The following ERG variants were observed in gnomAD, a reference collection of about 807,000 sequenced individuals.
The protein encoded by ERG is ETS transcription factor ERG.
In ERG, 9 loss-of-function variants were observed where a neutral mutation model predicts 55.3. That is an observed-to-expected ratio of 0.16 (90% CI 0.10 to 0.28). The LOEUF (loss-of-function observed/expected upper bound fraction) is 0.28. Among genes scored for constraint, ERG ranks in the 10% least tolerant of loss-of-function variants. The probability of loss-of-function intolerance (pLI) is 1.00; values close to 1 mark genes in which losing one functional copy is unlikely to be tolerated. For missense variants in ERG, 434 were observed against 631.6 expected, an observed-to-expected ratio of 0.69 and a Z score of 3.35; for synonymous variants, 223 against 237.3, an observed-to-expected ratio of 0.94 and a Z score of 0.55.
intron 2 of ERG, among the ~76,000 whole-genome samples, chr21:38,519,846 C>T (rs890408650): frequency 7.2e-5 from 11 of 152,102 alleles, no homozygotes; most frequent in African/African-American, 2.7e-4. Flanking sequence ...AGGACTGAGA[C>T]CCTAACCACA....
chr21:38,618,709 T>C (rs913347551), intron 1 of ERG, among the ~76,000 whole-genome samples: 1 of 152,174 alleles, frequency 6.6e-6, no homozygotes, highest in African/African-American at 2.4e-5. Flanking sequence ...AACACAGACC[T>C]CTCAGCATCA....
chr21:38,494,244 G>T, intron 1 of ERG, among the ~76,000 whole-genome samples: 1 of 152,294 alleles, frequency 6.6e-6, no homozygotes, highest in South Asian at 2.1e-4. Flanking sequence ...GGACAAGAAG[G>T]CTCTCCTTGA....
intron 2 of ERG, among the ~76,000 whole-genome samples, chr21:38,441,717 G>A (rs745932813): frequency 2.0e-4 from 31 of 152,172 alleles, no homozygotes; most frequent in Non-Finnish European, 4.0e-4. Flanking sequence ...GGTAGGGGAC[G>A]ATGACACTTG....
chr21:38,633,540 T>C (rs2060369869), intron 1 of ERG, among the ~76,000 whole-genome samples: 1 of 152,230 alleles, frequency 6.6e-6, no homozygotes, highest in African/African-American at 2.4e-5. Context: ...TCACATACCC[T>C]GCTCCATGCT....
At chr21:38,399,259 G>C (rs1988374066) in intron 6 of ERG, among the ~76,000 whole-genome samples, 1 of 152,166 alleles carries the variant, frequency 6.6e-6, no homozygotes, top group African/African-American at 2.4e-5. Context: ...TCTGACGTTA[G>C]AGAAGAGAAA....
intron 2 of ERG, among the ~76,000 whole-genome samples, chr21:38,442,920 G>T (rs1439770832): frequency 6.6e-6 from 1 of 152,084 alleles, no homozygotes; most frequent in African/African-American, 2.4e-5. Context: ...CCATTCTCCT[G>T]CCTCAGCCTC....
intron 2 of ERG, among the ~76,000 whole-genome samples, chr21:38,429,797 G>A (rs555030469): frequency 2.0e-5 from 3 of 151,806 alleles, no homozygotes; most frequent in Non-Finnish European, 2.9e-5. Flanking sequence ...TGGTTGATGG[G>A]CATTTAGGCT....
chr21:38,412,026 A>G (rs1413981320), intron 3 of ERG, among the ~76,000 whole-genome samples: 1 of 152,164 alleles, frequency 6.6e-6, no homozygotes, highest in Non-Finnish European at 1.5e-5. Context: ...AGCTTTTTAA[A>G]AATTCAATTT....
chr21:38,423,117 G>A (rs1989624042), intron 3 of ERG, among the ~76,000 whole-genome samples: 3 of 150,302 alleles, frequency 2.0e-5, no homozygotes, highest in East Asian at 1.9e-4. Context: ...GTGTGTGTGT[G>A]TGTGTGTATT....
chr21:38,456,893 A>AG (rs1321851185), intron 1 of ERG, among the ~76,000 whole-genome samples: 1 of 152,236 alleles, frequency 6.6e-6, no homozygotes, highest in Non-Finnish European at 1.5e-5. Flanking sequence ...TTATACGCTG[A>AG]GCTCATGCTT....
intron 1 of ERG, among the ~76,000 whole-genome samples, chr21:38,616,401 C>T (rs2060259354): frequency 6.6e-6 from 1 of 152,126 alleles, no homozygotes; most frequent in Non-Finnish European, 1.5e-5. Flanking sequence ...ATTATTAACA[C>T]ACAAAGCTAT....
intron 3 of ERG, among the ~76,000 whole-genome samples, chr21:38,420,257 A>G (rs865934146): frequency 2.0e-5 from 3 of 152,054 alleles, no homozygotes; most frequent in Admixed American, 6.6e-5. Context: ...TCATGGCCAC[A>G]TTGGAAAATT....
chr21:38,643,821 G>A (rs1393169067), intron 1 of ERG, among the ~76,000 whole-genome samples: 2 of 152,200 alleles, frequency 1.3e-5, no homozygotes, highest in East Asian at 3.9e-4. Context: ...GAGATTTCAA[G>A]TAAACACAGG....
intron 1 of ERG, among the ~76,000 whole-genome samples, chr21:38,487,487 G>A (rs1218250110): frequency 6.6e-6 from 1 of 152,132 alleles, no homozygotes; most frequent in African/African-American, 2.4e-5. Flanking sequence ...CCCTAGCCAG[G>A]CAAGGGAGAT....
upstream of ERG, among the ~76,000 whole-genome samples, chr21:38,589,452 C>T (rs1328058541): frequency 1.3e-5 from 2 of 152,210 alleles, no homozygotes; most frequent in East Asian, 1.9e-4. Context: ...TGCCTGCCCC[C>T]ACATGACCCA....
chr21:38,532,755 G>A (rs956124294), intron 2 of ERG, among the ~76,000 whole-genome samples: 1 of 152,190 alleles, frequency 6.6e-6, no homozygotes, highest in Non-Finnish European at 1.5e-5. Context: ...CCACATACCT[G>A]CAATTCAATG....
chr21:38,619,840 G>C (rs966361891), intron 1 of ERG, among the ~76,000 whole-genome samples: 1 of 152,202 alleles, frequency 6.6e-6, no homozygotes, highest in Admixed American at 6.5e-5. Context: ...GTTATTATGA[G>C]AATACCAACA....
At chr21:38,429,735 GTATA>G (rs141931058) in intron 2 of ERG, among the ~76,000 whole-genome samples, 5 of 60,842 alleles carry the variant, frequency 8.2e-5, no homozygotes, top group Middle Eastern at 0.012. Context: ...ATATATGTGT[GTATA>G]TATATATACA....
chr21:38,463,109 G>A (rs943202464), intron 1 of ERG, among the ~76,000 whole-genome samples: 2 of 152,136 alleles, frequency 1.3e-5, no homozygotes, highest in Non-Finnish European at 2.9e-5. Context: ...CCCAATTAAT[G>A]TTAAGGGCCA....
Sources: gnomAD v4.1 joint callset for allele counts (sites outside exome capture counted in the v4.1 genomes callset) on GRCh38, gnomAD v4.1.1 for gene constraint, MANE v1.5 for transcripts, NCBI Gene and HGNC (gene_info 2026-07-23, HGNC 2026-07-21) for gene names.